Variants in CLINT1 observed in about 807,000 individuals in gnomAD.
The protein encoded by CLINT1 is clathrin interactor 1, also known as clathrin interacting protein localized in the trans-Golgi region.
CLINT1 carries 15 observed loss-of-function variants against 70.4 expected under a neutral mutation model. The observed-to-expected ratio is 0.21, with a 90% CI of 0.14 to 0.33. The LOEUF (loss-of-function observed/expected upper bound fraction) is 0.33. Among genes scored for constraint, CLINT1 ranks in the 10% least tolerant of loss-of-function variants. CLINT1 has a pLI of 1.00. For missense variants in CLINT1, 615 were observed against 778.1 expected, an observed-to-expected ratio of 0.79 and a Z score of 2.49; for synonymous variants, 227 against 254.7, an observed-to-expected ratio of 0.89 and a Z score of 1.04.
At chr5:157,833,969 G>A (rs1012928353) in intron 1 of CLINT1, among the ~76,000 whole-genome samples, 3 of 152,064 alleles carry the variant, frequency 2.0e-5, no homozygotes, top group African/African-American at 7.2e-5. Context: ...TATTGTAACA[G>A]GCATGTTTGT....
intron 8 of CLINT1, among the ~76,000 whole-genome samples, chr5:157,801,669 C>A (rs1450822304): frequency 6.6e-6 from 1 of 151,536 alleles, no homozygotes; most frequent in Non-Finnish European, 1.5e-5. Context: ...TCCGTCTCTA[C>A]TAAATATACA....
At chr5:157,844,736 G>A (rs1021576594) in intron 1 of CLINT1, among the ~76,000 whole-genome samples, 4 of 152,060 alleles carry the variant, frequency 2.6e-5, no homozygotes, top group Admixed American at 6.6e-5. Context: ...GAGGCATGTC[G>A]AACTGACCAA....
At chr5:157,810,738 G>T (rs1762529326) in intron 5 of CLINT1, among the ~76,000 whole-genome samples, 1 of 152,060 alleles carries the variant, frequency 6.6e-6, no homozygotes, top group Non-Finnish European at 1.5e-5. Context: ...TTTTAAAAAA[G>T]AAAACATTAA....
At chr5:157,798,767 C>T (rs1436332222) in intron 8 of CLINT1, among the ~76,000 whole-genome samples, 11 of 151,680 alleles carry the variant, frequency 7.3e-5, no homozygotes, top group Non-Finnish European at 8.8e-5. Flanking sequence ...TTCTCTTTAC[C>T]AAACTGAAAA....
At position 157,805,891 on chromosome 5, in the gene CLINT1, G is replaced by A. The variant is rs368145773; in HGVS notation, c.917C>T (p.Thr306Ile). 1.6e-5 allele frequency: 26 copies of A among 1,613,832 alleles called. No individual in the cohort carries two copies. The highest frequency in any genetic ancestry group is 2.7e-5 in the African/African-American group (2 of 74,934). The change falls in exon 7 of 12, where the codon ACC becomes ATC. Residue 306 changes from threonine to isoleucine, a missense_variant. Physicochemically the swap from Thr to Ile is moderately conservative, Grantham distance 89 (BLOSUM62 -1). Coordinates refer to ENST00000411809, the MANE Select transcript of CLINT1 (RefSeq NM_014666.4). ...CTTAACTGAAGACTGAGGTGTGTGG[G>A]TTGAAGCATTCTGATCTGGACTTGC... ...DKASPDQNAS[T>I]HTPQSSVKTS...
Position 157,787,637 on chromosome 5 carries a change from T to C in CLINT1, c.*9A>G, listed in dbSNP as rs773009783. ...AATTCTTCATTCAATCTGCTTCTTT[T>C]ACAATCTCTTATTTGCTAAAATTGG... On this transcript the variant is annotated 3_prime_UTR_variant, in exon 12 of 12. Transcript: ENST00000411809. 1.1e-5 allele frequency: 17 copies of C among 1,610,418 alleles called. No individual in the cohort carries two copies. The highest frequency in any genetic ancestry group is 1.4e-5 in the Non-Finnish European group (17 of 1,177,158).
intron 5 of CLINT1, among the ~76,000 whole-genome samples, chr5:157,812,258 G>C (rs544555153): frequency 5.1e-4 from 78 of 152,182 alleles, no homozygotes; most frequent in African/African-American, 1.7e-3. Flanking sequence ...ATATATGGGT[G>C]GGGGGAGCTG....
chr5:157,801,255 C>T (rs1305204585), intron 8 of CLINT1, among the ~76,000 whole-genome samples: 1 of 152,142 alleles, frequency 6.6e-6, no homozygotes, highest in Non-Finnish European at 1.5e-5. Context: ...GCCTGTAATC[C>T]CAGCACTTTG....
rs573539324 is a variant in CLINT1 at position 157,794,201 on chromosome 5, C to T, written c.1087+697G>A. On this transcript the variant is annotated intron_variant, in intron 9 of 11. Transcript: ENST00000411809. The stretch of plus-strand genomic sequence containing the variant: ...CAAAAAGAACCATGACAAGCAACAC[C>T]GTTCCCAGTTTTAGAAAGTTGAAGG... Among the ~76,000 whole-genome samples, 19 of 152,124 alleles carry T rather than the reference C, an allele frequency of 1.2e-4. No homozygotes were observed. The East Asian group carries it at 2.9e-3, about 23-fold the overall frequency.
chr5:157,823,785 T>C (rs766801032), intron 1 of CLINT1: 26 of 753,430 alleles, frequency 3.5e-5, no homozygotes, highest in Non-Finnish European at 3.7e-5. Context: ...ACCCCCGGAG[T>C]TGCGGACCGG....
chr5:157,843,188 T>A (rs925005030), intron 1 of CLINT1, among the ~76,000 whole-genome samples: 2 of 152,206 alleles, frequency 1.3e-5, no homozygotes, highest in African/African-American at 4.8e-5. Flanking sequence ...ATTTCCCAAC[T>A]TAATTCCTAT....
intron 5 of CLINT1, among the ~76,000 whole-genome samples, chr5:157,811,521 A>C (rs1023120132): frequency 2.0e-5 from 3 of 147,710 alleles, no homozygotes; most frequent in African/African-American, 5.0e-5. Context: ...TGACAGAGCA[A>C]GAATCCTCAA....
rs1228618582 is a variant in CLINT1 at position 157,786,599 on chromosome 5, T to C, written c.*1047A>G. ...ATCTTTGACTGCTACAGGTCTCCTTTAACAATATATATTTAACTCCTCTAT... is the reference window on the plus strand; with the variant it reads ...ATCTTTGACTGCTACAGGTCTCCTTCAACAATATATATTTAACTCCTCTAT... On this transcript the variant is annotated 3_prime_UTR_variant, in exon 12 of 12. Coordinates refer to ENST00000411809, the MANE Select transcript of CLINT1 (RefSeq NM_014666.4). 2 of 152,598 alleles carry C rather than the reference T, an allele frequency of 1.3e-5. No individual in the cohort carries two copies. Among genetic ancestry groups the C allele is most frequent in the African/African-American group, 4.8e-5 (2 of 41,446 alleles). The allele number at this position is 152,598 out of a possible 1,614,324, so 9.5% of individuals were successfully genotyped here. A position where few individuals can be genotyped will look rare whatever the true frequency, so the allele number is the denominator to read the frequency against.
At chr5:157,845,260 A>G (rs1348478404) in intron 1 of CLINT1, among the ~76,000 whole-genome samples, 2 of 152,048 alleles carry the variant, frequency 1.3e-5, no homozygotes, top group Non-Finnish European at 2.9e-5. Flanking sequence ...GAGGCAGGAG[A>G]ATCACTTGAA....
chr5:157,835,213 A>T (rs1162530669), intron 1 of CLINT1, among the ~76,000 whole-genome samples: 3 of 152,238 alleles, frequency 2.0e-5, no homozygotes, highest in Admixed American at 6.5e-5. Context: ...TAGTGCTCCT[A>T]AACACAGGAA....
At chr5:157,800,754 C>A (rs1280504802) in intron 8 of CLINT1, among the ~76,000 whole-genome samples, 1 of 152,166 alleles carries the variant, frequency 6.6e-6, no homozygotes, top group Non-Finnish European at 1.5e-5. Context: ...TTTAATTAGT[C>A]AAACTACTGT....
chr5:157,820,318 G>A (rs1046128885), intron 1 of CLINT1, among the ~76,000 whole-genome samples: 5 of 152,092 alleles, frequency 3.3e-5, no homozygotes, highest in Admixed American at 1.3e-4. Flanking sequence ...GCGTGGTAGC[G>A]TGTACCTGTG....
chr5:157,850,789 T>A (rs754585323), intron 1 of CLINT1, among the ~76,000 whole-genome samples: 3 of 151,980 alleles, frequency 2.0e-5, no homozygotes, highest in Non-Finnish European at 4.4e-5. Flanking sequence ...GTTCTTTTTT[T>A]TAATATTAAA....
At chr5:157,819,603 G>T (rs1033541552) in intron 1 of CLINT1, among the ~76,000 whole-genome samples, 11 of 152,208 alleles carry the variant, frequency 7.2e-5, no homozygotes, top group Admixed American at 7.2e-4. Flanking sequence ...ACAAAATGAT[G>T]AATTTCAGAA....
Sources: gnomAD v4.1 joint callset for allele counts (sites outside exome capture counted in the v4.1 genomes callset) on GRCh38, gnomAD v4.1.1 for gene constraint, MANE v1.5 for transcripts, NCBI Gene and HGNC (gene_info 2026-07-23, HGNC 2026-07-21) for gene names.